The following XRCC4 variants were observed in gnomAD, a reference collection of about 807,000 sequenced individuals.
XRCC4 encodes the protein X-ray repair cross complementing 4.
In XRCC4, 28 loss-of-function variants were observed where a neutral mutation model predicts 39.1. The ratio of observed to expected loss-of-function variants is 0.72; its 90% confidence interval spans 0.53 to 0.98. XRCC4 has a LOEUF of 0.98. XRCC4 is among the 50% of genes least tolerant of loss of function. XRCC4 has a pLI of 0.00. For synonymous variants in XRCC4, 123 were observed against 126.4 expected, an observed-to-expected ratio of 0.97 and a Z score of 0.18; for missense variants, 350 against 376.4, an observed-to-expected ratio of 0.93 and a Z score of 0.58.
At chr5:83,180,138 G>T (rs1580336297) in intron 3 of XRCC4, among the ~76,000 whole-genome samples, 1 of 152,114 alleles carries the variant, frequency 6.6e-6, no homozygotes, top group East Asian at 1.9e-4. Context: ...AAATGAGAAG[G>T]CAGATGTTTA....
At chr5:83,235,283 C>A (rs565752533) in intron 6 of XRCC4, among the ~76,000 whole-genome samples, 2 of 131,798 alleles carry the variant, frequency 1.5e-5, no homozygotes, top group Non-Finnish European at 3.0e-5. Flanking sequence ...TGCAGTGAGC[C>A]AAGATGGCAC....
chr5:83,264,321 T>C (rs905120330), intron 7 of XRCC4, among the ~76,000 whole-genome samples: 10 of 152,130 alleles, frequency 6.6e-5, no homozygotes, highest in African/African-American at 9.7e-5. Flanking sequence ...TGCAGTCACA[T>C]AGAGTTTAGG....
chr5:83,088,189 A>G (rs776498691), intron 1 of XRCC4, among the ~76,000 whole-genome samples: 3 of 152,100 alleles, frequency 2.0e-5, no homozygotes, highest in Non-Finnish European at 4.4e-5. Context: ...GTATCTTGTC[A>G]TTATTTTATT....
intron 2 of XRCC4, among the ~76,000 whole-genome samples, chr5:83,106,706 G>C (rs1368862276): frequency 6.6e-6 from 1 of 151,792 alleles, no homozygotes; most frequent in African/African-American, 2.4e-5. Flanking sequence ...ATATTAACAT[G>C]AATTATCATT....
chr5:83,333,932 G>C (rs1435999269), intron 7 of XRCC4, among the ~76,000 whole-genome samples: 1 of 151,948 alleles, frequency 6.6e-6, no homozygotes, highest in Non-Finnish European at 1.5e-5. Context: ...ACCACGCCTG[G>C]CTAATTTTTG....
At chr5:83,140,793 C>T (rs1748132735) in intron 3 of XRCC4, among the ~76,000 whole-genome samples, 1 of 152,038 alleles carries the variant, frequency 6.6e-6, no homozygotes, top group African/African-American at 2.4e-5. Context: ...CATCTCAATT[C>T]TAGCTGGTAT....
intron 7 of XRCC4, among the ~76,000 whole-genome samples, chr5:83,299,985 G>T (rs1284038419): frequency 6.6e-6 from 1 of 152,098 alleles, no homozygotes; most frequent in African/African-American, 2.4e-5. Flanking sequence ...ATTACTTGTG[G>T]AGATTCTTTG....
At chr5:83,109,362 C>T (rs1228503138) in intron 2 of XRCC4, among the ~76,000 whole-genome samples, 1 of 151,928 alleles carries the variant, frequency 6.6e-6, no homozygotes, top group African/African-American at 2.4e-5. Context: ...CTTACTTCAT[C>T]ACCCTAGACC....
At chr5:83,083,566 C>T (rs1452437884) in intron 1 of XRCC4, among the ~76,000 whole-genome samples, 2 of 151,712 alleles carry the variant, frequency 1.3e-5, no homozygotes, top group South Asian at 2.1e-4. Flanking sequence ...TTAGTACAGA[C>T]GGGGTTTCAC....
At chr5:83,360,295 T>C in the XRCC4 span, among the ~76,000 whole-genome samples, 2,867 of 152,242 alleles carry the variant, frequency 0.019, 85 homozygotes, top group African/African-American at 0.065. Context: ...AGATGTATGC[T>C]TAAAGGTGAT....
intron 6 of XRCC4, among the ~76,000 whole-genome samples, chr5:83,236,408 T>G (rs1048838088): frequency 1.3e-5 from 2 of 151,854 alleles, no homozygotes; most frequent in Non-Finnish European, 2.9e-5. Flanking sequence ...CCCTCAGAAA[T>G]AAATCCATGC....
chr5:83,173,955 A>G (rs1313222440), intron 3 of XRCC4, among the ~76,000 whole-genome samples: 1 of 152,194 alleles, frequency 6.6e-6, no homozygotes, highest in Non-Finnish European at 1.5e-5. Context: ...GTGTTTATCC[A>G]ATTTAGCAAT....
rs552230339 is a variant in XRCC4 at position 83,096,304 on chromosome 5, G to A, written c.-10-8606G>A. Reference sequence around the variant, plus strand: ...GGTTTTTGTGTGACCAGTGATAAGCGGGAACCACAGATGAGGGGGGCTGGA... The same window carrying A: ...GGTTTTTGTGTGACCAGTGATAAGCAGGAACCACAGATGAGGGGGGCTGGA... On this transcript the variant is annotated intron_variant, in intron 1 of 7. Coordinates refer to ENST00000396027, the MANE Select transcript of XRCC4 (RefSeq NM_003401.5). Among the ~76,000 whole-genome samples the A allele has an allele frequency of 1.1e-4, 16 of 152,064 alleles. No individual in the cohort carries two copies. The East Asian group carries it at 1.2e-3, about 11-fold the overall frequency.
At chr5:83,373,105 C>T in the XRCC4 span, among the ~76,000 whole-genome samples, 7 of 151,954 alleles carry the variant, frequency 4.6e-5, no homozygotes, top group East Asian at 2.0e-4. Context: ...AAAAGGGAGG[C>T]GGAAATCTCA....
intron 3 of XRCC4, among the ~76,000 whole-genome samples, chr5:83,142,944 T>C (rs373363250): frequency 6.6e-6 from 1 of 152,210 alleles, no homozygotes; most frequent in Non-Finnish European, 1.5e-5. Context: ...TATTTCTTAA[T>C]GGGGTTGCTT....
At chr5:83,134,567 C>T (rs1484488864) in intron 3 of XRCC4, among the ~76,000 whole-genome samples, 1 of 152,114 alleles carries the variant, frequency 6.6e-6, no homozygotes, top group Non-Finnish European at 1.5e-5. Flanking sequence ...TAAAATGGAC[C>T]AATCAGCTCT....
At chr5:83,208,887 C>A (rs1043116313) in intron 6 of XRCC4, among the ~76,000 whole-genome samples, 4 of 151,924 alleles carry the variant, frequency 2.6e-5, no homozygotes, top group Non-Finnish European at 5.9e-5. Flanking sequence ...CATACTAAGG[C>A]CCTGGATTTT....
chr5:83,180,855 C>T lies in XRCC4; in HGVS notation c.316-14915C>T, dbSNP rs565378600. 5.3e-5 allele frequency among the ~76,000 whole-genome samples: 8 copies of T among 152,144 alleles called. No individual in the cohort carries two copies. The South Asian group carries it at 1.7e-3, about 32-fold the overall frequency. ...CTATCAACAGTGAATGTTCTGTAGC[C>T]ATAGCAAATAACCTAAAAGTAGAAC... On this transcript the variant is annotated intron_variant, in intron 3 of 7. Transcript: ENST00000396027.
intron 6 of XRCC4, among the ~76,000 whole-genome samples, chr5:83,232,524 T>G (rs1434565091): frequency 6.6e-6 from 1 of 152,086 alleles, no homozygotes; most frequent in Admixed American, 6.6e-5. Context: ...CATAGCTGTC[T>G]TGCAGTTTTC....
Sources: allele counts gnomAD v4.1 joint callset (sites outside exome capture counted in the v4.1 genomes callset), GRCh38; gene constraint gnomAD v4.1.1; transcripts MANE v1.5; gene names NCBI Gene and HGNC (gene_info 2026-07-23, HGNC 2026-07-21).